ACVR2A: variants seen among roughly 807,000 people sequenced by gnomAD.
The protein encoded by ACVR2A is activin receptor type-2A.
ACVR2A carries 7 observed loss-of-function variants against 61.4 expected under a neutral mutation model. That is an observed-to-expected ratio of 0.11 (90% CI 0.06 to 0.21). ACVR2A has a LOEUF of 0.21. ACVR2A is among the 10% of genes least tolerant of loss of function. The pLI is 1.00. For missense variants in ACVR2A, 322 were observed against 621.7 expected (o/e 0.52, Z 5.13); for synonymous variants, 193 against 208.3 (o/e 0.93, Z 0.63).
At chr2:147,914,210 G>A (rs189979016) in intron 4 of ACVR2A, among the ~76,000 whole-genome samples, 1 of 151,892 alleles carries the variant, frequency 6.6e-6, no homozygotes, top group Non-Finnish European at 1.5e-5. Flanking sequence ...TTTTGCCACA[G>A]AAATTTTAGT....
At chr2:147,896,544 G>A in intron 2 of ACVR2A, 36 bp downstream of exon 2, 1 of 1,590,454 alleles carries the variant, frequency 6.3e-7, no homozygotes, top group Non-Finnish European at 8.6e-7. Flanking sequence ...GTAGTATTGA[G>A]TAATTTTCAC....
intron 8 of ACVR2A, among the ~76,000 whole-genome samples, 174 bp downstream of exon 8, chr2:147,920,518 G>A (rs1024848803): frequency 3.3e-5 from 5 of 152,124 alleles, no homozygotes; most frequent in Non-Finnish European, 5.9e-5. Context: ...GGACTCAGGT[G>A]GTTTAGATCA....
chr2:147,885,013 C>G (rs1283329646), intron 1 of ACVR2A, among the ~76,000 whole-genome samples: 5 of 152,006 alleles, frequency 3.3e-5, no homozygotes, highest in African/African-American at 9.7e-5. Context: ...CTTCATCTTC[C>G]CAACCTCTGT....
chr2:147,917,522 T>G (rs944937272), intron 6 of ACVR2A, 96 bp downstream of exon 6: 13 of 1,217,764 alleles, frequency 1.1e-5, no homozygotes, highest in Non-Finnish European at 1.5e-5. Context: ...TCGAGACATC[T>G]TATAGTTGAT....
intron 4 of ACVR2A, chr2:147,900,677 C>G (rs143146195): frequency 2.0e-5 from 3 of 152,054 alleles, no homozygotes; most frequent in East Asian, 1.9e-4. Context: ...TTCTACAGGT[C>G]TACGAAAACT....
rs145075375 is a variant in ACVR2A at position 147,881,602 on chromosome 2, AGTGT to A, written c.56-14662_56-14659del. On this transcript the variant is annotated intron_variant, in intron 1 of 10. Transcript: ENST00000241416. ...TTTTTCTCCTCTCAAGAAGCTGCTT[AGTGT>A]GTGTGTGTGTGTGTGTGTGTGTGTG... is the stretch of plus-strand genomic sequence containing the variant. Among the ~76,000 whole-genome samples, 360 of 81,466 alleles carry A rather than the reference AGTGT, an allele frequency of 4.4e-3. 3 individuals carry two copies. The highest frequency in any genetic ancestry group is 0.014 in the African/African-American group (316 of 23,084). 53.4% of individuals were successfully genotyped at this position (81,466 alleles called of 152,430 possible).
chr2:147,877,724 A>G (rs1686195051), intron 1 of ACVR2A, among the ~76,000 whole-genome samples: 1 of 152,214 alleles, frequency 6.6e-6, no homozygotes, highest in Admixed American at 6.5e-5. Context: ...TTGTTGAAGT[A>G]AACATGACCT....
At chr2:147,886,815 T>C (rs182181454) in intron 1 of ACVR2A, among the ~76,000 whole-genome samples, 9 of 151,870 alleles carry the variant, frequency 5.9e-5, no homozygotes, top group African/African-American at 2.2e-4. Context: ...TTGATTTAAT[T>C]CAAAGCTGCA....
chr2:147,847,543 C>T (rs1191978412), intron 1 of ACVR2A, among the ~76,000 whole-genome samples: 1 of 152,074 alleles, frequency 6.6e-6, no homozygotes, highest in Non-Finnish European at 1.5e-5. Context: ...TAGTAAGGAA[C>T]AGTTTTGTTC....
chr2:147,895,018 C>T (rs1384818607), intron 1 of ACVR2A, among the ~76,000 whole-genome samples: 1 of 151,896 alleles, frequency 6.6e-6, no homozygotes, highest in Non-Finnish European at 1.5e-5. Context: ...CACAAATGAA[C>T]TTTTTAGCCT....
At chr2:147,894,136 A>G (rs765188887) in intron 1 of ACVR2A, among the ~76,000 whole-genome samples, 3 of 152,010 alleles carry the variant, frequency 2.0e-5, no homozygotes, top group Non-Finnish European at 2.9e-5. Flanking sequence ...TCGTTTTTCT[A>G]TTGAATTGCC....
At chr2:147,910,548 A>G (rs939492858) in intron 4 of ACVR2A, among the ~76,000 whole-genome samples, 5 of 152,176 alleles carry the variant, frequency 3.3e-5, no homozygotes, top group East Asian at 1.9e-4. Context: ...TAGTTAAGCA[A>G]CTGGTACAGA....
intron 2 of ACVR2A, chr2:147,898,167 G>T (rs985866102): frequency 6.6e-6 from 1 of 152,086 alleles, no homozygotes; most frequent in Non-Finnish European, 1.5e-5. Flanking sequence ...CCATCTTTGT[G>T]TCTGGAGGTT....
Position 147,930,346 on chromosome 2 carries a change from GGTTTTTTTGTTTTTTTTTTTTTTTT to G in ACVR2A, c.*3073_*3097del, listed in dbSNP as rs1187044698. 1.5e-5 allele frequency: 2 copies of G among 129,902 alleles called. No homozygotes were observed. The highest frequency in any genetic ancestry group is 6.4e-5 in the African/African-American group (2 of 31,342). 8.0% of individuals were successfully genotyped at this position (129,902 alleles called of 1,614,324 possible). A position where few individuals can be genotyped will look rare whatever the true frequency, so the allele number is the denominator to read the frequency against. On this transcript the variant is annotated 3_prime_UTR_variant, in exon 11 of 11. Coordinates refer to ENST00000241416, the MANE Select transcript of ACVR2A (RefSeq NM_001616.5). ...GGTTTAGTGGAATAAACTGATTACT[GGTTTTTTTGTTTTTTTTTTTTTTTT>G]TAAAGAAAGAAGCTTCATCACAGAT...
chr2:147,916,653 G>A (rs992560948), intron 5 of ACVR2A, among the ~76,000 whole-genome samples: 10 of 151,836 alleles, frequency 6.6e-5, no homozygotes, highest in African/African-American at 2.2e-4. Flanking sequence ...TTATGCCATA[G>A]TGCCTCTTAC....
chr2:147,907,621 G>T (rs184335799), intron 4 of ACVR2A, among the ~76,000 whole-genome samples: 118 of 152,290 alleles, frequency 7.7e-4, no homozygotes, highest in Non-Finnish European at 1.4e-3. Context: ...GAAGTGACTT[G>T]GCTTAGAGTC....
intron 1 of ACVR2A, among the ~76,000 whole-genome samples, chr2:147,865,307 C>T (rs1035447802): frequency 6.6e-6 from 1 of 152,164 alleles, no homozygotes; most frequent in East Asian, 1.9e-4. Context: ...ACATCCGTAC[C>T]TTTTGTTCCC....
intron 1 of ACVR2A, among the ~76,000 whole-genome samples, chr2:147,870,033 T>C (rs879712530): frequency 6.6e-4 from 94 of 142,844 alleles, no homozygotes; most frequent in African/African-American, 2.4e-3. Context: ...TGGGGCTGTA[T>C]GAAGGGGTAT....
intron 1 of ACVR2A, among the ~76,000 whole-genome samples, chr2:147,881,055 A>C (rs1433619134): frequency 6.6e-6 from 1 of 152,102 alleles, no homozygotes. Context: ...TTTTCTTAAA[A>C]CCATTTCCCC....
Sources: gnomAD v4.1 joint callset for allele counts (sites outside exome capture counted in the v4.1 genomes callset) on GRCh38, gnomAD v4.1.1 for gene constraint, MANE v1.5 for transcripts, NCBI Gene and HGNC (gene_info 2026-07-23, HGNC 2026-07-21) for gene names.